FRMD4A: variants seen among roughly 807,000 people sequenced by gnomAD.
FRMD4A encodes FERM domain-containing protein 4A.
A neutral mutation model predicts 129.1 loss-of-function variants in FRMD4A; 29 were observed. The observed-to-expected ratio is 0.22, with a 90% CI of 0.17 to 0.31. The LOEUF is 0.31. Ranked by LOEUF, FRMD4A falls within the 10% of genes least tolerant of loss-of-function variation. FRMD4A has a pLI of 1.00. For missense variants in FRMD4A, 1,272 were observed against 1,375.8 expected (o/e 0.92, Z 1.19); for synonymous variants, 634 against 571.6 (o/e 1.11, Z -1.56).
At chr10:13,695,972 G>A (rs3750885) in intron 14 of FRMD4A, among the ~76,000 whole-genome samples, 25,595 of 152,188 alleles carry the variant, frequency 0.17, 2,275 homozygotes, top group East Asian at 0.23. Context: ...GGAAGTCTGC[G>A]GGCTGGAGGA....
At chr10:14,213,161 T>G (rs1004298869) in intron 2 of FRMD4A, among the ~76,000 whole-genome samples, 72 of 152,262 alleles carry the variant, frequency 4.7e-4, no homozygotes, top group African/African-American at 1.6e-3. Flanking sequence ...GGAGGATCAC[T>G]TGAGCCTGGG....
At chr10:13,783,761 T>A (rs2092791786) in intron 5 of FRMD4A, among the ~76,000 whole-genome samples, 1 of 152,214 alleles carries the variant, frequency 6.6e-6, no homozygotes, top group Non-Finnish European at 1.5e-5. Context: ...TGATTTGATT[T>A]CTGCACATTC....
At chr10:14,062,889 G>A (rs1475777058) in intron 2 of FRMD4A, among the ~76,000 whole-genome samples, 1 of 152,172 alleles carries the variant, frequency 6.6e-6, no homozygotes, top group Non-Finnish European at 1.5e-5. Flanking sequence ...TGGTGGGTGG[G>A]CAACCTACAG....
chr10:13,654,609 A>G (rs2081980599), intron 22 of FRMD4A, 97 bp from the exon 23 acceptor site: 10 of 729,524 alleles, frequency 1.4e-5, no homozygotes, highest in Non-Finnish European at 2.2e-5. Flanking sequence ...CCCAGTGGCC[A>G]GAGGTCACCA....
At chr10:13,988,403 C>T (rs1235829581) in intron 2 of FRMD4A, among the ~76,000 whole-genome samples, 1 of 152,208 alleles carries the variant, frequency 6.6e-6, no homozygotes, top group African/African-American at 2.4e-5. Flanking sequence ...GGAATGCTTT[C>T]AGACAGGGAC....
chr10:13,888,215 C>T (rs968252901), intron 2 of FRMD4A, among the ~76,000 whole-genome samples: 1 of 152,192 alleles, frequency 6.6e-6, no homozygotes, highest in Non-Finnish European at 1.5e-5. Context: ...CGCCCTTCCC[C>T]ACAAGATCAG....
chr10:14,204,446 A>C (rs1420763845), intron 2 of FRMD4A, among the ~76,000 whole-genome samples: 1 of 152,082 alleles, frequency 6.6e-6, no homozygotes, highest in Admixed American at 6.6e-5. Context: ...TTACTATATC[A>C]TCCATAACTA....
rs2093329719 is a variant in FRMD4A at position 13,804,704 on chromosome 10, C to T, written c.206+6110G>A. 2.1e-5 allele frequency among the ~76,000 whole-genome samples: 3 copies of T among 141,094 alleles called. No individual in the cohort carries two copies. In the Admixed American group the frequency reaches 2.3e-4, roughly 11 times the overall value. 92.6% of individuals were successfully genotyped at this position (141,094 alleles called of 152,430 possible). On this transcript the variant is annotated intron_variant, in intron 4 of 24. Coordinates refer to ENST00000357447, the MANE Select transcript of FRMD4A (RefSeq NM_018027.5). Reference sequence around the variant, plus strand: ...GGATTACAGGTGGCTGCCACCACACCCAGCTAATTCTTTTTTTTTTTTTTT... The same window carrying T: ...GGATTACAGGTGGCTGCCACCACACTCAGCTAATTCTTTTTTTTTTTTTTT...
chr10:13,884,186 A>ACTCACACACTCTCTCT (rs1554956520), intron 2 of FRMD4A, among the ~76,000 whole-genome samples: 1 of 109,598 alleles, frequency 9.1e-6, no homozygotes, highest in East Asian at 2.9e-4. Context: ...TCACACACAC[A>ACTCACACACTCTCTCT]CACACACACT....
intron 2 of FRMD4A, among the ~76,000 whole-genome samples, chr10:13,902,486 A>AGAGAGAGAGAGAGAGAGAGAGT: frequency 6.6e-6 from 1 of 151,558 alleles, no homozygotes; most frequent in Non-Finnish European, 1.5e-5. Context: ...AGAGAGAGAG[A>AGAGAGAGAGAGAGAGAGAGAGT]GAGAGTGACA....
Position 13,688,181 on chromosome 10 carries a change from C to T in FRMD4A, c.1117+5717G>A, listed in dbSNP as rs546909768. ...AACGATAGACTGGATTAAGAAAATG[C>T]GGCACATATACACCATGGAATACTA... On this transcript the variant is annotated intron_variant, in intron 15 of 24. Coordinates refer to ENST00000357447, the MANE Select transcript of FRMD4A (RefSeq NM_018027.5). Among the ~76,000 whole-genome samples, 34 of 152,142 alleles carry T rather than the reference C, an allele frequency of 2.2e-4. No homozygotes were observed. In the East Asian group the frequency reaches 3.9e-3, roughly 17 times the overall value.
At chr10:14,247,524 TCTCTCTTTCTCG>T (rs1422294294) in intron 2 of FRMD4A, among the ~76,000 whole-genome samples, 1 of 151,862 alleles carries the variant, frequency 6.6e-6, no homozygotes, top group African/African-American at 2.4e-5. Context: ...TCACTTTCTC[TCTCTCTTTCTCG>T]CTCTTTCTGT....
rs548059714 is a variant in FRMD4A, at chr10:13,942,673, A to C, written c.46-83761T>G. ...GATCTAGCCAGGCGTGGTGGCTCGC[A>C]CCTGTAATCCCAGCACTTTAGGAGG... On this transcript the variant is annotated intron_variant, in intron 2 of 24. Coordinates refer to ENST00000357447, the MANE Select transcript of FRMD4A (RefSeq NM_018027.5). Among the ~76,000 whole-genome samples, 55 of 152,172 alleles carry C rather than the reference A, an allele frequency of 3.6e-4. 1 individual carries two copies. Among genetic ancestry groups the C allele is most frequent in the Non-Finnish European group, 5.0e-4 (34 of 67,978 alleles).
At chr10:13,771,702 A>G (rs1456480021) in intron 6 of FRMD4A, among the ~76,000 whole-genome samples, 1 of 152,218 alleles carries the variant, frequency 6.6e-6, no homozygotes, top group Admixed American at 6.5e-5. Flanking sequence ...TGGCAAGCAC[A>G]GTCCTGTTTC....
intron 2 of FRMD4A, among the ~76,000 whole-genome samples, chr10:13,883,150 T>C (rs1285245442): frequency 7.9e-5 from 12 of 152,158 alleles, no homozygotes; most frequent in African/African-American, 2.4e-4. Flanking sequence ...TCTAGGAGCG[T>C]GGTCAGTTTC....
chr10:13,781,498 C>T (rs893911023), intron 6 of FRMD4A, among the ~76,000 whole-genome samples: 1 of 150,724 alleles, frequency 6.6e-6, no homozygotes, highest in Non-Finnish European at 1.5e-5. Context: ...CTGCCTCAGC[C>T]TCCCAAATAC....
intron 15 of FRMD4A, among the ~76,000 whole-genome samples, chr10:13,689,198 C>CGGGGGGGTGGGGGGGGGGG (rs2085398998): frequency 2.9e-5 from 2 of 68,026 alleles, no homozygotes; most frequent in Admixed American, 2.0e-4. Context: ...AAACTCTTTG[C>CGGGGGGGTGGGGGGGGGGG]GGGGGGGGGG....
chr10:14,157,384 C>T lies in FRMD4A; in HGVS notation c.45+172674G>A, dbSNP rs150814319. Reference sequence around the variant, plus strand: ...ATCATACTCTGAATACCACCAACCACGGCACGAATTTAGGAGGTATTTGGT... The same window carrying T: ...ATCATACTCTGAATACCACCAACCATGGCACGAATTTAGGAGGTATTTGGT... On this transcript the variant is annotated intron_variant, in intron 2 of 24. Coordinates refer to ENST00000357447, the MANE Select transcript of FRMD4A (RefSeq NM_018027.5). 3.3e-5 allele frequency among the ~76,000 whole-genome samples: 5 copies of T among 152,334 alleles called. No homozygotes were observed. The East Asian group carries it at 5.8e-4, about 18-fold the overall frequency.
At chr10:13,906,412 C>T (rs1286680925) in intron 2 of FRMD4A, among the ~76,000 whole-genome samples, 1 of 152,196 alleles carries the variant, frequency 6.6e-6, no homozygotes, top group Non-Finnish European at 1.5e-5. Flanking sequence ...TAACTTTAGG[C>T]TAATGAGTTC....
Sources: gnomAD v4.1 joint callset for allele counts (sites outside exome capture counted in the v4.1 genomes callset) on GRCh38, gnomAD v4.1.1 for gene constraint, MANE v1.5 for transcripts, NCBI Gene and HGNC (gene_info 2026-07-23, HGNC 2026-07-21) for gene names.